The following LHFPL3 variants were observed in gnomAD, a reference collection of about 807,000 sequenced individuals.
LHFPL3 encodes the protein LHFPL tetraspan subfamily member 3, also known as LHFPL tetraspan subfamily member 3 protein.
Under a neutral mutation model 19.3 loss-of-function variants are expected in LHFPL3, and 5 were observed. The ratio of observed to expected loss-of-function variants is 0.26; its 90% confidence interval spans 0.14 to 0.54. The LOEUF (loss-of-function observed/expected upper bound fraction) is 0.54, where lower values mean the gene tolerates loss of function less well. LHFPL3 is among the 20% of genes least tolerant of loss of function. The pLI, the probability that LHFPL3 is intolerant of heterozygous loss-of-function variation, is 0.94. For synonymous variants in LHFPL3, 133 were observed against 126.2 expected, an observed-to-expected ratio of 1.05 and a Z score of -0.36; for missense variants, 249 against 307.4, an observed-to-expected ratio of 0.81 and a Z score of 1.42.
intron 2 of LHFPL3, among the ~76,000 whole-genome samples, chr7:104,868,745 CAA>C (rs931904979): frequency 6.6e-6 from 1 of 152,058 alleles, no homozygotes; most frequent in Non-Finnish European, 1.5e-5. Flanking sequence ...CATATAGAAC[CAA>C]AAAAGAGCCC....
At position 104,328,886 on chromosome 7, in the gene LHFPL3, T is replaced by C. The variant is rs1452168250; in HGVS notation, c.107T>C (p.Ile36Thr). The C allele has an allele frequency of 1.9e-6, 3 of 1,614,052 alleles. No individual in the cohort carries two copies. The highest frequency in any genetic ancestry group is 2.5e-6 in the Non-Finnish European group (3 of 1,180,036). ...HTNYVRNSRA[I>T]GVLWAIFTIC... ...AACTATGTGCGGAACTCGCGGGCCATCGGCGTGCTGTGGGCCATCTTCACC... is the reference window on the plus strand; with the variant it reads ...AACTATGTGCGGAACTCGCGGGCCACCGGCGTGCTGTGGGCCATCTTCACC... The change falls in exon 1 of 3, where the codon ATC becomes ACC. Residue 36 changes from isoleucine to threonine, a missense_variant. Transcript: ENST00000424859. This position sits in a 1 kb window ranked among gnomAD's most constrained non-coding sequence, Gnocchi z 4.6.
intron 2 of LHFPL3, chr7:104,803,868 C>T (rs995239702): frequency 2.6e-5 from 4 of 152,158 alleles, no homozygotes; most frequent in African/African-American, 9.7e-5. Flanking sequence ...TTTGGTATTG[C>T]ACTATATCCA....
At chr7:104,510,373 G>A (rs1265034027) in intron 1 of LHFPL3, among the ~76,000 whole-genome samples, 2 of 152,072 alleles carry the variant, frequency 1.3e-5, no homozygotes, top group African/African-American at 4.8e-5. Context: ...TATTGGTGGA[G>A]GGACAGACAC....
In LHFPL3 at chr7:104,399,205, C is replaced by A. The variant is rs563322741; in HGVS notation, c.445+69981C>A. ...TGCCACCCCTGATGTCCTCTTACTT[C>A]CCTTGATATCGTAGGTTTCCAGCTG... On this transcript the variant is annotated intron_variant, in intron 1 of 2. Coordinates refer to ENST00000424859, the MANE Select transcript of LHFPL3 (RefSeq NM_199000.3). This position sits in a 1 kb window ranked among gnomAD's most constrained non-coding sequence, Gnocchi z 4.4. Among the ~76,000 whole-genome samples the A allele has an allele frequency of 1.3e-5, 2 of 152,192 alleles. No individual in the cohort carries two copies. Among genetic ancestry groups the A allele is most frequent in the Admixed American group, 1.3e-4 (2 of 15,292 alleles).
intron 1 of LHFPL3, among the ~76,000 whole-genome samples, chr7:104,726,887 A>G (rs575756381): frequency 6.6e-6 from 1 of 152,280 alleles, no homozygotes; most frequent in East Asian, 1.9e-4. Flanking sequence ...TTCTGGTTCT[A>G]GATCCTTGAG....
chr7:104,583,253 G>A (rs949911011), intron 1 of LHFPL3, among the ~76,000 whole-genome samples: 47 of 151,474 alleles, frequency 3.1e-4, no homozygotes, highest in Admixed American at 2.0e-4. Flanking sequence ...AAACTGGCTA[G>A]CCACATGTAG....
At chr7:104,868,854 C>T (rs3955473) in intron 2 of LHFPL3, among the ~76,000 whole-genome samples, 32,229 of 152,132 alleles carry the variant, frequency 0.21, 3,695 homozygotes, top group South Asian at 0.39. Flanking sequence ...ACCAAAACAG[C>T]ATGGTACTGG....
At chr7:104,838,086 C>T (rs1387079906) in intron 2 of LHFPL3, among the ~76,000 whole-genome samples, 3 of 152,146 alleles carry the variant, frequency 2.0e-5, no homozygotes, top group Non-Finnish European at 4.4e-5. Context: ...TAAGGACTTA[C>T]GGGTATAACT....
chr7:104,648,496 GTAT>G (rs1473371746), intron 1 of LHFPL3, among the ~76,000 whole-genome samples: 2 of 152,102 alleles, frequency 1.3e-5, no homozygotes, highest in East Asian at 3.9e-4. Context: ...AGAAACTGTG[GTAT>G]TATTTCCATT....
At chr7:104,896,035 T>C (rs13232695) in intron 2 of LHFPL3, 88,703 of 152,100 alleles carry the variant, frequency 0.58, 26,267 homozygotes, top group African/African-American at 0.67. Context: ...GGCTTTTTCT[T>C]GGAGCATGCG....
At chr7:104,776,850 G>A (rs895350840) in intron 2 of LHFPL3, among the ~76,000 whole-genome samples, 6 of 152,174 alleles carry the variant, frequency 3.9e-5, no homozygotes, top group Non-Finnish European at 8.8e-5. Flanking sequence ...AAACAATCAT[G>A]GGCTTTTACA....
chr7:104,594,998 C>T (rs149830591), intron 1 of LHFPL3, among the ~76,000 whole-genome samples: 2,503 of 152,248 alleles, frequency 0.016, 73 homozygotes, highest in African/African-American at 0.055. Context: ...TCTTTTAGCT[C>T]GGAGAAGTTT....
intron 2 of LHFPL3, among the ~76,000 whole-genome samples, chr7:104,759,222 T>C (rs1017707655): frequency 2.0e-5 from 3 of 152,142 alleles, no homozygotes; most frequent in African/African-American, 7.2e-5. Context: ...ATGAAAGCAG[T>C]GTGGGAGTGC....
chr7:104,769,867 G>A (rs1301832639), intron 2 of LHFPL3, among the ~76,000 whole-genome samples: 1 of 151,930 alleles, frequency 6.6e-6, no homozygotes, highest in Non-Finnish European at 1.5e-5. Flanking sequence ...AAAAGGATGA[G>A]TTTACGTCAT....
At chr7:104,600,677 G>T (rs999176853) in intron 1 of LHFPL3, among the ~76,000 whole-genome samples, 1 of 152,194 alleles carries the variant, frequency 6.6e-6, no homozygotes, top group Non-Finnish European at 1.5e-5. Context: ...AGTCACTGAG[G>T]TCGTGGCAAA....
At chr7:104,561,001 A>T (rs1789984401) in intron 1 of LHFPL3, among the ~76,000 whole-genome samples, 2 of 151,284 alleles carry the variant, frequency 1.3e-5, no homozygotes, top group South Asian at 2.1e-4. Context: ...TTTGAGTGAG[A>T]TTCTTAACCC....
chr7:104,876,347 T>A (rs10247944), intron 2 of LHFPL3, among the ~76,000 whole-genome samples: 2 of 151,930 alleles, frequency 1.3e-5, no homozygotes, highest in African/African-American at 2.4e-5. Context: ...ACAGGCAACC[T>A]ACAGAATGGG....
At chr7:104,331,721 A>G (rs997269582) in intron 1 of LHFPL3, among the ~76,000 whole-genome samples, 2 of 152,098 alleles carry the variant, frequency 1.3e-5, no homozygotes, top group South Asian at 2.1e-4. Flanking sequence ...AGGCTGAGGT[A>G]GGTGGATCAT....
intron 1 of LHFPL3, among the ~76,000 whole-genome samples, chr7:104,686,759 G>C (rs935050007): frequency 1.3e-5 from 2 of 152,218 alleles, no homozygotes; most frequent in Admixed American, 1.3e-4. Flanking sequence ...AGAAATACCT[G>C]AGACTGGGTA....
Sources: gnomAD v4.1 joint callset for allele counts (sites outside exome capture counted in the v4.1 genomes callset) on GRCh38, gnomAD v4.1.1 for gene constraint, Gnocchi (gnomAD v3.1) non-coding constraint, MANE v1.5 for transcripts, NCBI Gene and HGNC (gene_info 2026-07-23, HGNC 2026-07-21) for gene names.